The following GNS variants were observed in gnomAD, a reference collection of about 807,000 sequenced individuals.
The protein encoded by GNS is N-acetylglucosamine-6-sulfatase.
GNS carries 40 observed loss-of-function variants against 69.7 expected under a neutral mutation model. That is an observed-to-expected ratio of 0.57 (90% confidence interval 0.45 to 0.75). The LOEUF (loss-of-function observed/expected upper bound fraction) is 0.75, where lower values mean the gene tolerates loss of function less well. Among genes scored for constraint, GNS ranks in the 30% least tolerant of loss-of-function variants. The probability of loss-of-function intolerance (pLI) is 0.00; values close to 1 mark genes in which losing one functional copy is unlikely to be tolerated. For missense variants in GNS, 565 were observed against 685.5 expected (o/e 0.82, Z 1.96); for synonymous variants, 243 against 251.6 (o/e 0.97, Z 0.32).
intron 8 of GNS, among the ~76,000 whole-genome samples, chr12:64,737,670 C>T (rs1869596846): frequency 6.6e-6 from 1 of 152,178 alleles, no homozygotes; most frequent in Admixed American, 6.6e-5. Context: ...AGAGCTAAGG[C>T]TGAAACCACC....
intron 9 of GNS, among the ~76,000 whole-genome samples, chr12:64,734,566 G>A (rs1869503588): frequency 6.6e-6 from 1 of 152,210 alleles, no homozygotes. Flanking sequence ...TGACAGAGAA[G>A]GTCCGCTTAG....
intron 3 of GNS, chr12:64,745,945 C>T: frequency 1.8e-6 from 1 of 544,844 alleles, no homozygotes; most frequent in Non-Finnish European, 3.3e-6. Context: ...GGCCTGATGA[C>T]TTTTGTATGA....
At chr12:64,756,660 C>T (rs1323962160) in intron 1 of GNS, 1 of 964,874 alleles carries the variant, frequency 1.0e-6, no homozygotes, top group Non-Finnish European at 1.6e-6. Context: ...TATAAAAATC[C>T]TCATACTCTG....
At chr12:64,729,198 T>G in intron 9 of GNS, 141 bp from the exon 10 acceptor site, 1 of 684,588 alleles carries the variant, frequency 1.5e-6, no homozygotes, top group East Asian at 2.7e-5. Flanking sequence ...TTTGGTCTGT[T>G]TCATAGATCC....
At chr12:64,738,682 G>A (rs1402122793) in intron 8 of GNS, among the ~76,000 whole-genome samples, 4 of 151,916 alleles carry the variant, frequency 2.6e-5, no homozygotes, top group Admixed American at 2.0e-4. Flanking sequence ...GCGTGGTGGC[G>A]TGTGCCTGTA....
chr12:64,730,898 G>A (rs575862141), intron 9 of GNS, among the ~76,000 whole-genome samples: 4 of 152,254 alleles, frequency 2.6e-5, no homozygotes, highest in African/African-American at 9.6e-5. Flanking sequence ...AATGAATGAG[G>A]TGAAGCCAGT....
At chr12:64,717,592 G>T (rs1460510710) in intron 13 of GNS, among the ~76,000 whole-genome samples, 1 of 149,886 alleles carries the variant, frequency 6.7e-6, no homozygotes, top group Non-Finnish European at 1.5e-5. Flanking sequence ...AGAACTCCTG[G>T]GCTCATGTGA....
chr12:64,734,008 G>A (rs1376295669), intron 9 of GNS, among the ~76,000 whole-genome samples: 1 of 152,174 alleles, frequency 6.6e-6, no homozygotes, highest in Non-Finnish European at 1.5e-5. Context: ...TGACAGCTCA[G>A]CTCATTATGC....
At chr12:64,738,386 T>G (rs771907056) in intron 8 of GNS, among the ~76,000 whole-genome samples, 2 of 151,964 alleles carry the variant, frequency 1.3e-5, no homozygotes, top group African/African-American at 4.8e-5. Flanking sequence ...TGTATGGGAG[T>G]TGCTTCAAAA....
At chr12:64,750,931 TA>T (rs1436299592) in intron 2 of GNS, among the ~76,000 whole-genome samples, 4 of 152,168 alleles carry the variant, frequency 2.6e-5, no homozygotes, top group African/African-American at 9.7e-5. Context: ...GAAAGAAATG[TA>T]TATAAAATGA....
intron 1 of GNS, among the ~76,000 whole-genome samples, chr12:64,755,839 C>T (rs545997303): frequency 1.1e-4 from 16 of 150,632 alleles, no homozygotes; most frequent in Admixed American, 3.3e-4. Flanking sequence ...CCACCATGCC[C>T]GGCCAATTTT....
intron 5 of GNS, 78 bp from the exon 6 acceptor site, chr12:64,743,386 C>A: frequency 4.0e-6 from 4 of 992,048 alleles, no homozygotes; most frequent in Non-Finnish European, 6.4e-6. Flanking sequence ...TTCTGGTGAG[C>A]AGACAGTACA....
chr12:64,735,816 G>C (rs1314545669), intron 9 of GNS, among the ~76,000 whole-genome samples: 1 of 152,200 alleles, frequency 6.6e-6, no homozygotes, highest in Non-Finnish European at 1.5e-5. Context: ...AATTTGTAGG[G>C]AAAAGTGACT....
chr12:64,742,266 C>G (rs144397794), intron 6 of GNS, among the ~76,000 whole-genome samples: 2,669 of 152,196 alleles, frequency 0.018, 79 homozygotes, highest in African/African-American at 0.061. Context: ...GTGATTCGCC[C>G]GCCTTGGCCT....
At chr12:64,754,733 A>G (rs981104116) in intron 1 of GNS, among the ~76,000 whole-genome samples, 1 of 152,068 alleles carries the variant, frequency 6.6e-6, no homozygotes, top group Non-Finnish European at 1.5e-5. Context: ...TACAAAAAAT[A>G]TAAAAATTAG....
chr12:64,752,802 A>G (rs771338912), intron 1 of GNS, 45 bp from the exon 2 acceptor site: 8 of 935,084 alleles, frequency 8.6e-6, no homozygotes, highest in Non-Finnish European at 1.4e-5. Context: ...CTTCCAATAA[A>G]TTGAGACACA....
chr12:64,753,259 T>C (rs1383709140), intron 1 of GNS, among the ~76,000 whole-genome samples: 1 of 152,116 alleles, frequency 6.6e-6, no homozygotes, highest in Non-Finnish European at 1.5e-5. Flanking sequence ...GTTGTCTGCA[T>C]AGACCCACAA....
intron 5 of GNS, among the ~76,000 whole-genome samples, chr12:64,744,232 A>T (rs894842326): frequency 6.6e-6 from 1 of 152,196 alleles, no homozygotes; most frequent in African/African-American, 2.4e-5. Context: ...TGTGTAAATA[A>T]AATTAACTTC....
chr12:64,754,314 A>T (rs1167814574), intron 1 of GNS, among the ~76,000 whole-genome samples: 1 of 152,196 alleles, frequency 6.6e-6, no homozygotes, highest in Non-Finnish European at 1.5e-5. Context: ...TGGTGGGAAG[A>T]AAGGGGAACT....
Sources: gnomAD v4.1 joint callset for allele counts (sites outside exome capture counted in the v4.1 genomes callset) on GRCh38, gnomAD v4.1.1 for gene constraint, MANE v1.5 for transcripts, NCBI Gene and HGNC (gene_info 2026-07-23, HGNC 2026-07-21) for gene names.